KLHL41: variants seen among roughly 807,000 people sequenced by gnomAD.
The protein encoded by KLHL41 is kelch-like protein 41.
A neutral mutation model predicts 49.2 loss-of-function variants in KLHL41; 31 were observed. That is an observed-to-expected ratio of 0.63 (90% CI 0.47 to 0.85). The LOEUF (loss-of-function observed/expected upper bound fraction) is 0.85, where lower values mean the gene tolerates loss of function less well. Ranked by LOEUF, KLHL41 falls within the 40% of genes least tolerant of loss-of-function variation. KLHL41 has a pLI of 0.00. For synonymous variants in KLHL41, 218 were observed against 258.5 expected (o/e 0.84, Z 1.50); for missense variants, 663 against 726.7 (o/e 0.91, Z 1.01).
In KLHL41 at chr2:169,522,107, AAGT is replaced by A. The variant is rs138509000; in HGVS notation, c.1709+1102_1709+1104del. Among the ~76,000 whole-genome samples, 1,386 of 152,274 alleles carry A rather than the reference AAGT, an allele frequency of 9.1e-3. 43 individuals are homozygous for A. Among genetic ancestry groups the A allele is most frequent in the Admixed American group, 0.058 (887 of 15,292 alleles). On this transcript the variant is annotated intron_variant, in intron 5 of 5. Coordinates refer to ENST00000284669, the MANE Select transcript of KLHL41 (RefSeq NM_006063.3). ...GAATTGTTTGCACATTTAAGTTTAT[AAGT>A]ACAGCTTTGGAAGAGTGCCATTTAT...
Position 169,514,647 on chromosome 2 carries a change from A to G in KLHL41, c.1184A>G (p.Glu395Gly). Reference sequence around the variant, plus strand: ...GCCAGGTGTCTCTTCGGTCTGGGAGAGGTGGATGATAAAATCTATGTAGTT... The same window carrying G: ...GCCAGGTGTCTCTTCGGTCTGGGAGGGGTGGATGATAAAATCTATGTAGTT... ...PSARCLFGLG[E>G]VDDKIYVVAG... Residue 395 changes from glutamate to glycine, a missense_variant, in exon 2 of 6, where the codon GAG (glutamate) becomes GGG (glycine). Around this residue, in one of 3 missense-constraint regions of KLHL41, gnomAD observed 528 missense variants for 581.0 expected, o/e 0.91. Transcript: ENST00000284669. 1 of 1,613,466 alleles carries G rather than the reference A, an allele frequency of 6.2e-7. No individual in the cohort carries two copies. Among genetic ancestry groups the G allele is most frequent in the Non-Finnish European group, 8.5e-7 (1 of 1,179,784 alleles).
chr2:169,519,135 T>G (rs1684161485), intron 4 of KLHL41, among the ~76,000 whole-genome samples: 1 of 152,220 alleles, frequency 6.6e-6, no homozygotes, highest in African/African-American at 2.4e-5. Context: ...TTACGCTGTT[T>G]ATAATTTTAT....
At chr2:169,519,650 A>ACT (rs1684167908) in intron 4 of KLHL41, among the ~76,000 whole-genome samples, 1 of 120,114 alleles carries the variant, frequency 8.3e-6, no homozygotes, top group African/African-American at 3.1e-5. Context: ...ATTTTCTCAA[A>ACT]CTTTTTTTTT....
At position 169,509,749 on chromosome 2, in the gene KLHL41, G is replaced by A; in HGVS notation, c.-30G>A. The A allele has an allele frequency of 2.5e-6, 4 of 1,588,350 alleles. No homozygotes were observed. Among genetic ancestry groups the A allele is most frequent in the East Asian group, 2.2e-5 (1 of 44,824 alleles). Reference sequence around the variant, plus strand: ...GCTGCAAGGAGCTAAGGCCTTCAGTGTCCCCTTCCTTACCCAGGTTTCTCA... The same window carrying A: ...GCTGCAAGGAGCTAAGGCCTTCAGTATCCCCTTCCTTACCCAGGTTTCTCA... On this transcript the variant is annotated 5_prime_UTR_variant, in exon 1 of 6. Transcript: ENST00000284669.
At chr2:169,523,598 T>A (rs1684235970) in intron 5 of KLHL41, among the ~76,000 whole-genome samples, 1 of 152,168 alleles carries the variant, frequency 6.6e-6, no homozygotes, top group Admixed American at 6.5e-5. Flanking sequence ...AAAATCCTGA[T>A]GCCCAGGCCA....
Position 169,509,814 on chromosome 2 carries a change from G to T in KLHL41, c.36G>T (p.Arg12=). The change falls in exon 1 of 6, where the codon CGG becomes CGT. Residue 12 remains arginine (R), a synonymous_variant. Transcript: ENST00000284669. The part of the protein sequence containing the change: ...DSQRELAEEL[R]LYQSTLLQDG... ...AGCGGGAACTTGCAGAGGAACTGCG[G>T]CTTTACCAATCCACCCTTCTTCAGG... 6.2e-7 allele frequency: 1 copy of T among 1,613,304 alleles called. No individual in the cohort carries two copies. The highest frequency in any genetic ancestry group is 8.5e-7 in the Non-Finnish European group (1 of 1,179,942).
chr2:169,514,625 AGGTGTCTCTTC>A lies in KLHL41; in HGVS notation c.1166_1176del (p.Cys389SerfsTer6). ...TGGACTTCCACCTCTGCCTTCAGCC[AGGTGTCTCTTC>A]GGTCTGGGAGAGGTGGATGATAAAA... On this transcript the variant is annotated frameshift_variant, in exon 2 of 6. Transcript: ENST00000284669. LOFTEE classifies it high-confidence loss of function. 1 of 1,613,928 alleles carries A rather than the reference AGGTGTCTCTTC, an allele frequency of 6.2e-7. No homozygotes were observed. The highest frequency in any genetic ancestry group is 8.5e-7 in the Non-Finnish European group (1 of 1,179,898).
At chr2:169,519,693 C>A (rs972029126) in intron 4 of KLHL41, among the ~76,000 whole-genome samples, 2 of 147,438 alleles carry the variant, frequency 1.4e-5, no homozygotes, top group Non-Finnish European at 1.5e-5. Context: ...CTGTGTCACA[C>A]AGGCTGGAGT....
At chr2:169,523,758 T>C (rs1684238586) in intron 5 of KLHL41, among the ~76,000 whole-genome samples, 1 of 152,144 alleles carries the variant, frequency 6.6e-6, no homozygotes, top group African/African-American at 2.4e-5. Context: ...CCTGGGTACT[T>C]ATCAGAAAGG....
intron 5 of KLHL41, among the ~76,000 whole-genome samples, chr2:169,524,611 T>C (rs926067866): frequency 2.0e-5 from 3 of 151,994 alleles, no homozygotes; most frequent in Non-Finnish European, 4.4e-5. Context: ...TTGGCCGGGC[T>C]GGTCTCAAAC....
Position 169,518,267 on chromosome 2 carries a change from G to C in KLHL41, c.1454G>C (p.Arg485Pro). Residue 485 changes from arginine to proline, a missense_variant, in exon 4 of 6, where the codon CGT (arginine) becomes CCT (proline). Arg to Pro is a moderately radical substitution (Grantham distance 103). Transcript: ENST00000284669. The part of the protein sequence containing the change: ...WKDLAPMKIP[R>P]SMFGVAVHKG... ...GATCTGGCTCCAATGAAAATTCCTCGTTCCATGTTTGGAGTAGCAGTCCAT... is the reference window on the plus strand; with the variant it reads ...GATCTGGCTCCAATGAAAATTCCTCCTTCCATGTTTGGAGTAGCAGTCCAT... The C allele has an allele frequency of 3.7e-6, 6 of 1,613,966 alleles. No individual in the cohort carries two copies. The highest frequency in any genetic ancestry group is 5.1e-6 in the Non-Finnish European group (6 of 1,179,892).
At position 169,510,180 on chromosome 2, in the gene KLHL41, C is replaced by G. The variant is rs992002992; in HGVS notation, c.402C>G (p.Asn134Lys). ...TTCAGAAAAGACTTGCTCCTGGTAA[C>G]TGTCTAGCCATCCTAAGATTAGGAC... ...SYLQKRLAPG[N>K]CLAILRLGLL... The change falls in exon 1 of 6, where the codon AAC becomes AAG. Residue 134 changes from asparagine to lysine, a missense_variant. By Grantham distance (94) the Asn-to-Lys change is moderately conservative (BLOSUM62 0). This residue lies in a region of KLHL41 where 528 missense variants were observed against 581.0 expected (regional missense o/e 0.91). Transcript: ENST00000284669. This position sits in a 1 kb window ranked among gnomAD's most constrained non-coding sequence, Gnocchi z 4.2. The G allele has an allele frequency of 1.9e-6, 3 of 1,614,006 alleles. No homozygotes were observed. In the African/African-American group the frequency reaches 4.0e-5, roughly 22 times the overall value.
At chr2:169,514,356 G>T (rs989484308) in intron 1 of KLHL41, 7 of 422,044 alleles carry the variant, frequency 1.7e-5, no homozygotes, top group African/African-American at 1.4e-4. Context: ...AAGCCTTGAA[G>T]ATTTTGATAT....
chr2:169,519,797 T>C (rs1379429913), intron 4 of KLHL41, among the ~76,000 whole-genome samples: 1 of 152,062 alleles, frequency 6.6e-6, no homozygotes, highest in East Asian at 1.9e-4. Flanking sequence ...TTTCACCATG[T>C]TGGTCAGGCT....
At position 169,510,696 on chromosome 2, in the gene KLHL41, C is replaced by T. The variant is rs1243564552; in HGVS notation, c.918C>T (p.Ile306=). Residue 306 remains isoleucine, a synonymous_variant, in exon 1 of 6, where the codon ATC becomes ATT. Transcript: ENST00000284669. This position sits in a 1 kb window ranked among gnomAD's most constrained non-coding sequence, Gnocchi z 4.2. The part of the protein sequence containing the change: ...PRHGMFVKDL[I]LLVNDTAAVA... ...ATGGAATGTTTGTAAAAGACCTCAT[C>T]CTCTTGGTTAATGACACAGCAGCAG... 1 of 1,613,988 alleles carries T rather than the reference C, an allele frequency of 6.2e-7. No homozygotes were observed. The highest frequency in any genetic ancestry group is 1.3e-5 in the African/African-American group (1 of 74,914).
At chr2:169,524,618 A>G (rs1015915415) in intron 5 of KLHL41, among the ~76,000 whole-genome samples, 3 of 151,776 alleles carry the variant, frequency 2.0e-5, no homozygotes, top group Admixed American at 1.3e-4. Context: ...GGCTGGTCTC[A>G]AACTCCTGAT....
In KLHL41 at chr2:169,510,529, A is replaced by G. The variant is rs777151398; in HGVS notation, c.751A>G (p.Lys251Glu). The G allele has an allele frequency of 2.1e-5, 34 of 1,613,440 alleles. No individual in the cohort carries two copies. In the Admixed American group the frequency reaches 5.7e-4, roughly 27 times the overall value. ...TAAAAGCAACCCAGACCTCCAGAAA[A>G]AAATCAAAGTTCTAAAAGATGCTTT... The part of the protein sequence containing the change: ...IIKSNPDLQK[K>E]IKVLKDAFAG... Residue 251 changes from lysine to glutamate, a missense_variant, in exon 1 of 6, where the codon AAA becomes GAA. Lys to Glu is a moderately conservative substitution (Grantham distance 56, BLOSUM62 1). This residue lies in a region of KLHL41 where 528 missense variants were observed against 581.0 expected (regional missense o/e 0.91). Coordinates refer to ENST00000284669, the MANE Select transcript of KLHL41 (RefSeq NM_006063.3). This position sits in a 1 kb window ranked among gnomAD's most constrained non-coding sequence, Gnocchi z 4.2.
chr2:169,516,098 T>C (rs1380098592), intron 3 of KLHL41, among the ~76,000 whole-genome samples: 1 of 152,234 alleles, frequency 6.6e-6, no homozygotes, highest in African/African-American at 2.4e-5. Flanking sequence ...TGAGAACTAA[T>C]ATTCTGCCCC....
At chr2:169,520,578 A>C (rs1431627082) in intron 4 of KLHL41, among the ~76,000 whole-genome samples, 1 of 151,872 alleles carries the variant, frequency 6.6e-6, no homozygotes, top group Non-Finnish European at 1.5e-5. Context: ...CAGCCTCCCA[A>C]ATAGCTGAAA....
Sources: allele counts gnomAD v4.1 joint callset (sites outside exome capture counted in the v4.1 genomes callset), GRCh38; gene constraint gnomAD v4.1.1; regional missense constraint gnomAD v4.1.1; non-coding constraint Gnocchi (gnomAD v3.1); transcripts MANE v1.5; gene names NCBI Gene and HGNC (gene_info 2026-07-23, HGNC 2026-07-21).